Variants in ACOXL observed in about 807,000 individuals in gnomAD.
The protein encoded by ACOXL is acyl-CoA oxidase like.
In ACOXL, 70 loss-of-function variants were observed where a neutral mutation model predicts 71.9. The ratio of observed to expected loss-of-function variants is 0.97; its 90% CI spans 0.80 to 1.19. The LOEUF is 1.19. ACOXL is among the 50% of genes most tolerant of loss of function. The probability of loss-of-function intolerance (pLI) is 0.00; values close to 1 mark genes in which losing one functional copy is unlikely to be tolerated. For missense variants in ACOXL, 703 were observed against 736.3 expected, an observed-to-expected ratio of 0.95 and a Z score of 0.52; for synonymous variants, 253 against 281.6, an observed-to-expected ratio of 0.90 and a Z score of 1.02.
rs567318996 is a variant in ACOXL at position 110,995,499 on chromosome 2, C to CAAAAAA, written c.1170-380_1170-375dup. 5.5e-3 allele frequency among the ~76,000 whole-genome samples: 370 copies of CAAAAAA among 67,266 alleles called. 91 individuals carry two copies. The highest frequency in any genetic ancestry group is 0.038 in the Middle Eastern group (2 of 52). The allele number at this position is 67,266 out of a possible 152,430, so 44.1% of individuals were successfully genotyped here. ...TGGGAAACAGAGTGAGACTCTGTCT[C>CAAAAAA]AAAAAAAAAAAAAAAAAAAGAATTG... On this transcript the variant is annotated intron_variant, in intron 13 of 17. Transcript: ENST00000439055.
At chr2:110,987,885 T>C (rs2063000189) in intron 13 of ACOXL, among the ~76,000 whole-genome samples, 1 of 152,210 alleles carries the variant, frequency 6.6e-6, no homozygotes, top group Admixed American at 6.5e-5. Context: ...TTTTGCATGA[T>C]GCTGTTATGA....
At chr2:110,763,136 A>G (rs1680620027) in intron 1 of ACOXL, among the ~76,000 whole-genome samples, 1 of 152,392 alleles carries the variant, frequency 6.6e-6, no homozygotes, top group East Asian at 1.9e-4. Context: ...ATTAAACGTC[A>G]TCTCAATCAA....
intron 12 of ACOXL, among the ~76,000 whole-genome samples, chr2:110,951,566 A>T (rs372141163): frequency 2.6e-5 from 4 of 152,310 alleles, no homozygotes; most frequent in African/African-American, 7.2e-5. Context: ...ACCATTAAGG[A>T]TATTATTCGG....
At chr2:110,869,398 AC>A (rs1320896252) in intron 10 of ACOXL, among the ~76,000 whole-genome samples, 1 of 152,084 alleles carries the variant, frequency 6.6e-6, no homozygotes. Context: ...GTGTTCTGTC[AC>A]CCCAAAGGCC....
intron 10 of ACOXL, among the ~76,000 whole-genome samples, chr2:110,882,323 C>T (rs1286587968): frequency 6.6e-6 from 1 of 152,120 alleles, no homozygotes; most frequent in Non-Finnish European, 1.5e-5. Flanking sequence ...GGCTTTGTTT[C>T]ATATTGGTGA....
intron 10 of ACOXL, among the ~76,000 whole-genome samples, chr2:110,901,915 TACTC>T (rs1480237647): frequency 1.3e-5 from 2 of 151,974 alleles, no homozygotes; most frequent in Non-Finnish European, 2.9e-5. Context: ...TAATCCCAGT[TACTC>T]AAGAGGCTGA....
At chr2:110,825,679 C>T (rs753487586) in intron 9 of ACOXL, among the ~76,000 whole-genome samples, 13 of 152,128 alleles carry the variant, frequency 8.5e-5, no homozygotes, top group Non-Finnish European at 1.3e-4. Flanking sequence ...AAGCAGACCC[C>T]TCCTGGTGAG....
chr2:110,765,255 A>G (rs1680900021), intron 1 of ACOXL, among the ~76,000 whole-genome samples: 1 of 152,198 alleles, frequency 6.6e-6, no homozygotes, highest in African/African-American at 2.4e-5. Context: ...ATGTTTCTTG[A>G]CATGGGCTTC....
At chr2:110,863,460 T>C (rs897109356) in intron 10 of ACOXL, among the ~76,000 whole-genome samples, 2 of 152,240 alleles carry the variant, frequency 1.3e-5, no homozygotes, top group Non-Finnish European at 2.9e-5. Flanking sequence ...AAAATATCTA[T>C]GATTATTTTC....
At chr2:111,076,687 C>A (rs1208270617) in intron 16 of ACOXL, among the ~76,000 whole-genome samples, 1 of 152,094 alleles carries the variant, frequency 6.6e-6, no homozygotes, top group South Asian at 2.1e-4. Flanking sequence ...CCTATGGCTA[C>A]TGTAACAAAC....
chr2:110,891,354 T>C (rs1481939131), intron 10 of ACOXL, among the ~76,000 whole-genome samples: 4 of 152,278 alleles, frequency 2.6e-5, no homozygotes, highest in South Asian at 2.1e-4. Flanking sequence ...TCATCTCTTA[T>C]GGTTGCTATT....
chr2:110,825,685 G>C (rs957284412), intron 9 of ACOXL, among the ~76,000 whole-genome samples: 2 of 152,026 alleles, frequency 1.3e-5, no homozygotes, highest in African/African-American at 4.8e-5. Flanking sequence ...ACCCCTCCTG[G>C]TGAGCATTTA....
rs200326009 is a variant in ACOXL at position 110,938,691 on chromosome 2, GAATGAATGAACGAATA to G, written c.1059+5060_1059+5075del. Among the ~76,000 whole-genome samples, 1,628 of 152,174 alleles carry G rather than the reference GAATGAATGAACGAATA, an allele frequency of 0.011. 72 individuals are homozygous for G. In the East Asian group the frequency reaches 0.15, roughly 14 times the overall value. ...GTGCACAGACATTGAATGAATGAATGAATGAATGAACGAATAAATGAATGAATGAATGAATGAAAGA... is the reference window on the plus strand; with the variant it reads ...GTGCACAGACATTGAATGAATGAATGAATGAATGAATGAATGAATGAAAGA... On this transcript the variant is annotated intron_variant, in intron 12 of 17. Transcript: ENST00000439055.
At chr2:110,739,413 T>A (rs955424300) in intron 1 of ACOXL, among the ~76,000 whole-genome samples, 1 of 152,186 alleles carries the variant, frequency 6.6e-6, no homozygotes, top group Non-Finnish European at 1.5e-5. Flanking sequence ...GTGAGGCTGG[T>A]TAGAAAACCA....
intron 11 of ACOXL, among the ~76,000 whole-genome samples, chr2:110,929,297 T>C (rs1429491373): frequency 6.6e-6 from 1 of 152,180 alleles, no homozygotes; most frequent in African/African-American, 2.4e-5. Context: ...GGTGACTCTT[T>C]CTATGTTTTA....
chr2:110,934,549 G>C (rs1431603554), intron 12 of ACOXL, among the ~76,000 whole-genome samples: 2 of 152,200 alleles, frequency 1.3e-5, no homozygotes, highest in Non-Finnish European at 2.9e-5. Context: ...AATGGATCAA[G>C]GGCAAGTCAA....
At chr2:110,988,857 T>TTTGTGTG (rs1553449885) in intron 13 of ACOXL, among the ~76,000 whole-genome samples, 1 of 143,488 alleles carries the variant, frequency 7.0e-6, no homozygotes, top group East Asian at 2.1e-4. Context: ...CCTATTTTTA[T>TTTGTGTG]TGTGTGTGTG....
intron 12 of ACOXL, among the ~76,000 whole-genome samples, chr2:110,935,765 C>G (rs2060638810): frequency 1.3e-5 from 2 of 151,518 alleles, no homozygotes; most frequent in Admixed American, 6.6e-5. Context: ...TCTGTGGACA[C>G]TAACAGGGTG....
chr2:111,089,624 G>C (rs747594217), intron 16 of ACOXL, among the ~76,000 whole-genome samples: 1 of 152,146 alleles, frequency 6.6e-6, no homozygotes, highest in Non-Finnish European at 1.5e-5. Flanking sequence ...ATTCCCTTAG[G>C]GATGTATATA....
Sources: allele counts gnomAD v4.1 joint callset (sites outside exome capture counted in the v4.1 genomes callset), GRCh38; gene constraint gnomAD v4.1.1; transcripts MANE v1.5; gene names NCBI Gene and HGNC (gene_info 2026-07-23, HGNC 2026-07-21).